Variants in GRAMD1B observed in about 807,000 individuals in gnomAD.
GRAMD1B encodes the protein GRAM domain containing 1B.
Under a neutral mutation model 99.7 loss-of-function variants are expected in GRAMD1B, and 37 were observed. That is an observed-to-expected ratio of 0.37 (90% CI 0.29 to 0.49). The LOEUF (loss-of-function observed/expected upper bound fraction) is 0.49, where lower values mean the gene tolerates loss of function less well. Among genes scored for constraint, GRAMD1B ranks in the 20% least tolerant of loss-of-function variants. GRAMD1B has a pLI of 0.98. For synonymous variants in GRAMD1B, 427 were observed against 387.6 expected (o/e 1.10, Z -1.19); for missense variants, 888 against 1,009.2 (o/e 0.88, Z 1.63).
chr11:123,481,409 G>A (rs373956290), intron 2 of GRAMD1B, among the ~76,000 whole-genome samples: 8 of 152,262 alleles, frequency 5.3e-5, no homozygotes, highest in Middle Eastern at 3.4e-3. Context: ...AGCCAAGATC[G>A]CGCTACTGCA....
In GRAMD1B at chr11:123,591,340, G is replaced by A. The variant is rs570234837; in HGVS notation, c.685-2742G>A. 5 of 398,656 alleles carry A rather than the reference G, an allele frequency of 1.3e-5. No individual in the cohort carries two copies. The highest frequency in any genetic ancestry group is 2.7e-4 in the South Asian group (2 of 7,440). 24.7% of individuals were successfully genotyped at this position (398,656 alleles called of 1,614,324 possible). ...TTGTTTTCATCGTGTGGGGACAGTCGGGAGTCAGTGCTCAGGGAGCCAGGC... is the reference window on the plus strand; with the variant it reads ...TTGTTTTCATCGTGTGGGGACAGTCAGGAGTCAGTGCTCAGGGAGCCAGGC... On this transcript the variant is annotated intron_variant, in intron 4 of 19. Coordinates refer to ENST00000635736, the MANE Select transcript of GRAMD1B (RefSeq NM_001387025.1). This position sits in a 1 kb window ranked among gnomAD's most constrained non-coding sequence, Gnocchi z 4.7.
chr11:123,396,026 C>T (rs544930547), intron 1 of GRAMD1B, among the ~76,000 whole-genome samples: 1 of 152,136 alleles, frequency 6.6e-6, no homozygotes, highest in South Asian at 2.1e-4. Context: ...CTTGGTCATT[C>T]TTTGAAAAAC....
intron 2 of GRAMD1B, among the ~76,000 whole-genome samples, chr11:123,536,712 A>T (rs1161520584): frequency 6.6e-6 from 1 of 152,140 alleles, no homozygotes; most frequent in Non-Finnish European, 1.5e-5. Flanking sequence ...TTTTTCTAGT[A>T]GTGCCTTTCT....
At chr11:123,467,750 C>T (rs1950762980) in intron 1 of GRAMD1B, among the ~76,000 whole-genome samples, 1 of 152,134 alleles carries the variant, frequency 6.6e-6, no homozygotes. Flanking sequence ...AGGTCACGGG[C>T]CATGCCTTAC....
At chr11:123,469,458 G>A (rs1395662555) in intron 1 of GRAMD1B, among the ~76,000 whole-genome samples, 8 of 152,188 alleles carry the variant, frequency 5.3e-5, no homozygotes, top group Admixed American at 4.6e-4. Flanking sequence ...GGATGGATTC[G>A]AGAGTCACTA....
intron 2 of GRAMD1B, among the ~76,000 whole-genome samples, chr11:123,486,769 A>G (rs1283407474): frequency 1.3e-5 from 2 of 152,224 alleles, no homozygotes; most frequent in East Asian, 3.8e-4. Flanking sequence ...GTAAGGTAAT[A>G]AAACTGAAGA....
chr11:123,500,613 A>G (rs962165323), intron 2 of GRAMD1B, among the ~76,000 whole-genome samples: 3 of 152,114 alleles, frequency 2.0e-5, no homozygotes, highest in Admixed American at 2.0e-4. Context: ...TGGAGGAGCA[A>G]TGTTTATGTT....
chr11:123,390,451 G>A (rs1187138416), intron 1 of GRAMD1B, among the ~76,000 whole-genome samples: 1 of 152,026 alleles, frequency 6.6e-6, no homozygotes, highest in African/African-American at 2.4e-5. Flanking sequence ...AATCTTCCTT[G>A]AGCATCTATC....
chr11:123,403,076 T>C (rs1947724902), intron 1 of GRAMD1B, among the ~76,000 whole-genome samples: 1 of 152,004 alleles, frequency 6.6e-6, no homozygotes, highest in African/African-American at 2.4e-5. Context: ...TGGACCCTGA[T>C]CCAAACACAG....
chr11:123,363,864 G>A (rs767040052), intron 1 of GRAMD1B, among the ~76,000 whole-genome samples: 3 of 152,154 alleles, frequency 2.0e-5, no homozygotes, highest in Non-Finnish European at 2.9e-5. Context: ...GCTTAGACAC[G>A]GACTTACTTC....
intron 1 of GRAMD1B, among the ~76,000 whole-genome samples, chr11:123,413,621 A>G (rs535149108): frequency 1.0e-3 from 155 of 152,238 alleles, no homozygotes; most frequent in African/African-American, 3.4e-3. Context: ...TGCAGGATAC[A>G]TGAGGTACCT....
intron 1 of GRAMD1B, among the ~76,000 whole-genome samples, chr11:123,474,264 T>A (rs544242447): frequency 0.012 from 933 of 77,176 alleles, 5 homozygotes; most frequent in Non-Finnish European, 0.018. Context: ...AACTTTTAAT[T>A]TTTTTTAAAG....
chr11:123,435,563 T>C (rs926945086), intron 1 of GRAMD1B: 6 of 662,808 alleles, frequency 9.1e-6, no homozygotes, highest in Non-Finnish European at 1.6e-5. Flanking sequence ...TTACTAACTT[T>C]CCAGTGTTCA....
Position 123,622,609 on chromosome 11 carries a change from G to A in GRAMD1B, c.*14G>A, listed in dbSNP as rs554751148. ...CGCTATCATTGACAAGGCAGGAACA[G>A]GGTGGCTGCAAGAGGCCTGTGCAAT... On this transcript the variant is annotated 3_prime_UTR_variant, in exon 20 of 20. Coordinates refer to ENST00000635736, the MANE Select transcript of GRAMD1B (RefSeq NM_001387025.1). The A allele has an allele frequency of 6.1e-5, 88 of 1,452,310 alleles. No homozygotes were observed. In the East Asian group the frequency reaches 9.6e-4, roughly 16 times the overall value. 90.0% of individuals were successfully genotyped at this position (1,452,310 alleles called of 1,614,324 possible).
intron 1 of GRAMD1B, among the ~76,000 whole-genome samples, chr11:123,453,455 T>C (rs2134389261): frequency 6.6e-6 from 1 of 152,178 alleles, no homozygotes; most frequent in East Asian, 1.9e-4. Flanking sequence ...TAGCAGAAAT[T>C]ACAGGCACGC....
rs1181767517 is a variant in GRAMD1B, at chr11:123,531,957, A to G, written c.453-45410A>G. ...TCTCTATGTTGGTCAGTCTGGTCTC[A>G]AACTCCCAACCTCAGGTAATCTGCC... On this transcript the variant is annotated intron_variant, in intron 2 of 19. Transcript: ENST00000635736. Among the ~76,000 whole-genome samples, 12 of 152,010 alleles carry G rather than the reference A, an allele frequency of 7.9e-5. No homozygotes were observed. In the East Asian group the frequency reaches 2.3e-3, roughly 30 times the overall value.
intron 1 of GRAMD1B, among the ~76,000 whole-genome samples, chr11:123,417,463 T>C (rs1725561458): frequency 6.6e-6 from 1 of 152,156 alleles, no homozygotes; most frequent in Non-Finnish European, 1.5e-5. Flanking sequence ...ACTTATCAAA[T>C]CAGGTACTAA....
At chr11:123,419,698 AGT>A (rs3222403) in intron 1 of GRAMD1B, among the ~76,000 whole-genome samples, 9,667 of 133,738 alleles carry the variant, frequency 0.072, 418 homozygotes, top group Middle Eastern at 0.12. Flanking sequence ...GGAATTTCTA[AGT>A]GTGTGTGTGT....
At chr11:123,429,514 C>A (rs1304387865), upstream of GRAMD1B, among the ~76,000 whole-genome samples, 1 of 152,130 alleles carries the variant, frequency 6.6e-6, no homozygotes, top group Non-Finnish European at 1.5e-5. This position sits in a 1 kb window ranked among gnomAD's most constrained non-coding sequence, Gnocchi z 4.0. Flanking sequence ...TGAATCAGCC[C>A]TCAGCAATGT....
Sources: gnomAD v4.1 joint callset for allele counts (sites outside exome capture counted in the v4.1 genomes callset) on GRCh38, gnomAD v4.1.1 for gene constraint, Gnocchi (gnomAD v3.1) non-coding constraint, MANE v1.5 for transcripts, NCBI Gene and HGNC (gene_info 2026-07-23, HGNC 2026-07-21) for gene names.